Variants in SDK1 observed in about 807,000 individuals in gnomAD.
SDK1 encodes the protein protein sidekick-1.
In SDK1, 157 loss-of-function variants were observed where a neutral mutation model predicts 245.5. That is an observed-to-expected ratio of 0.64 (90% CI 0.56 to 0.73). The LOEUF (loss-of-function observed/expected upper bound fraction) is 0.73, where lower values mean the gene tolerates loss of function less well. Among genes scored for constraint, SDK1 ranks in the 30% least tolerant of loss-of-function variants. SDK1 has a pLI of 0.00. For synonymous variants in SDK1, 1,647 were observed against 1,278.5 expected (o/e 1.29, Z -6.15); for missense variants, 3,583 against 3,002.3 (o/e 1.19, Z -4.52).
intron 5 of SDK1, among the ~76,000 whole-genome samples, chr7:3,915,642 G>C (rs960100972): frequency 2.6e-5 from 4 of 152,144 alleles, no homozygotes; most frequent in Non-Finnish European, 4.4e-5. Flanking sequence ...GAATTGCCCA[G>C]TCATGGGTGT....
At position 3,509,720 on chromosome 7, in the gene SDK1, A is replaced by G. The variant is rs145008630; in HGVS notation, c.299-109360A>G. ...ATGTCACAGGGCAGGCTCAGAGAGC[A>G]GCAGCCAGACATGGGTGTTTTCTAC... On this transcript the variant is annotated intron_variant, in intron 1 of 44. Coordinates refer to ENST00000404826, the MANE Select transcript of SDK1 (RefSeq NM_152744.4). 2.3e-3 allele frequency among the ~76,000 whole-genome samples: 348 copies of G among 152,330 alleles called. 3 individuals carry two copies. The highest frequency in any genetic ancestry group is 8.2e-3 in the African/African-American group (339 of 41,574).
intron 37 of SDK1, among the ~76,000 whole-genome samples, chr7:4,209,167 A>T (rs905808349): frequency 6.6e-6 from 1 of 152,190 alleles, no homozygotes; most frequent in East Asian, 1.9e-4. Flanking sequence ...CAGTGCCCGC[A>T]TCTGAGCTGG....
chr7:3,704,157 C>T (rs971095522), intron 4 of SDK1, among the ~76,000 whole-genome samples: 1 of 152,068 alleles, frequency 6.6e-6, no homozygotes, highest in African/African-American at 2.4e-5. Context: ...TTTTCTATTC[C>T]TGAGTTACTT....
intron 5 of SDK1, among the ~76,000 whole-genome samples, chr7:3,879,553 A>C (rs1781155066): frequency 6.6e-6 from 1 of 152,182 alleles, no homozygotes; most frequent in African/African-American, 2.4e-5. Flanking sequence ...AGAAGGTTCC[A>C]ATTCTGTACC....
At chr7:3,684,686 T>C (rs1377159692) in intron 4 of SDK1, among the ~76,000 whole-genome samples, 1 of 152,056 alleles carries the variant, frequency 6.6e-6, no homozygotes, top group Admixed American at 6.6e-5. Context: ...GATGTTGGAA[T>C]AATCTGGAAA....
intron 1 of SDK1, among the ~76,000 whole-genome samples, chr7:3,592,075 A>C (rs986467893): frequency 6.6e-6 from 1 of 152,230 alleles, no homozygotes; most frequent in Non-Finnish European, 1.5e-5. Context: ...TATCACTATC[A>C]GCTCTATTTT....
intron 4 of SDK1, among the ~76,000 whole-genome samples, chr7:3,650,976 A>T (rs1293131970): frequency 1.3e-5 from 2 of 151,738 alleles, no homozygotes; most frequent in African/African-American, 4.8e-5. Context: ...AGCAATCTGG[A>T]TTGTATCCAG....
intron 1 of SDK1, among the ~76,000 whole-genome samples, chr7:3,346,759 GTATA>G (rs1246254632): frequency 8.5e-6 from 1 of 117,300 alleles, no homozygotes; most frequent in Non-Finnish European, 1.6e-5. Context: ...ATGTGTGTGT[GTATA>G]TATGTATATA....
chr7:3,965,314 T>A (rs1023872907), intron 9 of SDK1, among the ~76,000 whole-genome samples: 3 of 152,092 alleles, frequency 2.0e-5, no homozygotes, highest in Non-Finnish European at 4.4e-5. Context: ...TCTCTCAGCC[T>A]CAGTTTTCTC....
chr7:4,241,520 A>C (rs1786514887), intron 42 of SDK1, among the ~76,000 whole-genome samples: 1 of 152,200 alleles, frequency 6.6e-6, no homozygotes, highest in African/African-American at 2.4e-5. Flanking sequence ...TTCTGAGTCT[A>C]TTTTCATAAA....
chr7:3,744,333 C>T (rs1779556928), intron 4 of SDK1, among the ~76,000 whole-genome samples: 1 of 152,048 alleles, frequency 6.6e-6, no homozygotes, highest in Non-Finnish European at 1.5e-5. Flanking sequence ...ATACATTTAG[C>T]TTCTTTGTCT....
In SDK1 at chr7:3,845,487, TC is replaced by T. The variant is rs1480118365; in HGVS notation, c.847+23905del. 4.0e-4 allele frequency among the ~76,000 whole-genome samples: 19 copies of T among 47,606 alleles called. No individual in the cohort carries two copies. The Admixed American group carries it at 4.9e-3, about 12-fold the overall frequency. 31.2% of individuals were successfully genotyped at this position (47,606 alleles called of 152,430 possible). A position where few individuals can be genotyped will look rare whatever the true frequency, so the allele number is the denominator to read the frequency against. ...CCTGGTGACAGAGTGAGACTCCGTC[TC>T]AAAAAAAAAAAAAAAAAAAAAAAAG... On this transcript the variant is annotated intron_variant, in intron 5 of 44. Transcript: ENST00000404826.
At position 4,205,920 on chromosome 7, in the gene SDK1, ACG is replaced by A; in HGVS notation, c.5141_5142del (p.Thr1714SerfsTer75). ...GCAGAACGTGCAGGTGACCCCACTC[ACG>A]GCCAGCCAGCTGGAGGTCACGTGGG... is the stretch of plus-strand genomic sequence containing the variant. The part of the protein sequence containing the change: ...APQNVQVTPL[T>X]ASQLEVTWDP... On this transcript the variant is annotated frameshift_variant, in exon 36 of 45. Coordinates refer to ENST00000404826, the MANE Select transcript of SDK1 (RefSeq NM_152744.4). LOFTEE classifies it high-confidence loss of function. The A allele has an allele frequency of 6.4e-7, 1 of 1,560,418 alleles. No homozygotes were observed. The highest frequency in any genetic ancestry group is 1.2e-5 in the South Asian group (1 of 84,708).
At chr7:4,178,002 C>T (rs189676095) in intron 34 of SDK1, among the ~76,000 whole-genome samples, 193 of 151,632 alleles carry the variant, frequency 1.3e-3, no homozygotes, top group African/African-American at 3.7e-3. Flanking sequence ...CCCTCGCACG[C>T]GCAGTTCCCA....
At chr7:3,552,297 T>C (rs977946748) in intron 1 of SDK1, among the ~76,000 whole-genome samples, 4 of 152,144 alleles carry the variant, frequency 2.6e-5, no homozygotes, top group African/African-American at 9.7e-5. Context: ...CGCCTTGGCC[T>C]CCCAAAGTGT....
rs535488045 is a variant in SDK1, at chr7:3,731,067, A to G, written c.713+88962A>G. Among the ~76,000 whole-genome samples, 5 of 152,232 alleles carry G rather than the reference A, an allele frequency of 3.3e-5. No individual in the cohort carries two copies. In the East Asian group the frequency reaches 9.7e-4, roughly 29 times the overall value. ...CCTCTCAAATTTAGTGACTTCAAAG[A>G]ATAACTTTTTGTGATTTGTGCCAAG... On this transcript the variant is annotated intron_variant, in intron 4 of 44. Coordinates refer to ENST00000404826, the MANE Select transcript of SDK1 (RefSeq NM_152744.4).
chr7:3,350,627 C>T (rs1780634671), intron 1 of SDK1, among the ~76,000 whole-genome samples: 2 of 152,150 alleles, frequency 1.3e-5, no homozygotes, highest in South Asian at 4.2e-4. Context: ...AGCCTTTGGG[C>T]CACAAGACTA....
chr7:3,597,651 C>A lies in SDK1; in HGVS notation c.299-21429C>A, dbSNP rs1164334582. ...TAGTTTGATTAGGTCGCATTTAGCT[C>A]AGTGACTTCATTTTGGTTTGGTCTG... On this transcript the variant is annotated intron_variant, in intron 1 of 44. Transcript: ENST00000404826. Among the ~76,000 whole-genome samples the A allele has an allele frequency of 2.0e-5, 3 of 152,182 alleles. No homozygotes were observed. The East Asian group carries it at 5.8e-4, about 29-fold the overall frequency.
At chr7:3,869,853 C>T (rs993547204) in intron 5 of SDK1, among the ~76,000 whole-genome samples, 2 of 152,186 alleles carry the variant, frequency 1.3e-5, no homozygotes, top group African/African-American at 4.8e-5. Context: ...CGAACTTTAA[C>T]AAATAATACA....
Sources: gnomAD v4.1 joint callset for allele counts (sites outside exome capture counted in the v4.1 genomes callset) on GRCh38, gnomAD v4.1.1 for gene constraint, MANE v1.5 for transcripts, NCBI Gene and HGNC (gene_info 2026-07-23, HGNC 2026-07-21) for gene names.